Variants in AK9 observed in about 807,000 individuals in gnomAD.
AK9 encodes the protein adenylate kinase domain containing 1.
In AK9, 191 loss-of-function variants were observed where a neutral mutation model predicts 239.6. That is an observed-to-expected ratio of 0.80 (90% CI 0.71 to 0.90). The LOEUF is 0.90. AK9 is among the 40% of genes least tolerant of loss of function. AK9 has a pLI of 0.00. For missense variants in AK9, 1,995 were observed against 2,214.7 expected (o/e 0.90, Z 1.99); for synonymous variants, 689 against 721.0 (o/e 0.96, Z 0.71).
At chr6:109,619,307 T>A (rs535339901) in intron 12 of AK9, 71 bp from the exon 13 acceptor site, 1,028 of 1,360,436 alleles carry the variant, frequency 7.6e-4, no homozygotes, top group Non-Finnish European at 9.5e-4. Context: ...TGTTCATCTA[T>A]CTATGTATAT....
intron 35 of AK9, among the ~76,000 whole-genome samples, chr6:109,504,998 G>A (rs556104089): frequency 1.3e-5 from 2 of 152,330 alleles, no homozygotes; most frequent in South Asian, 2.1e-4. Flanking sequence ...CGCTTTCAAA[G>A]TCTGCTGTGG....
chr6:109,531,375 G>C (rs1379497268), intron 28 of AK9, among the ~76,000 whole-genome samples: 1 of 151,988 alleles, frequency 6.6e-6, no homozygotes, highest in African/African-American at 2.4e-5. Context: ...AGGGGCAAAT[G>C]CCTGGGGTGA....
intron 19 of AK9, among the ~76,000 whole-genome samples, chr6:109,582,267 A>C (rs1788952758): frequency 6.6e-6 from 1 of 152,330 alleles, no homozygotes; most frequent in African/African-American, 2.4e-5. Context: ...AACACATTTC[A>C]TAAGACTACA....
chr6:109,547,527 C>T (rs1466823734), intron 25 of AK9, among the ~76,000 whole-genome samples: 1 of 151,990 alleles, frequency 6.6e-6, no homozygotes, highest in Non-Finnish European at 1.5e-5. Flanking sequence ...CATCTTTCAC[C>T]TATACAGAAA....
At chr6:109,662,063 G>A (rs1345095378) in intron 6 of AK9, among the ~76,000 whole-genome samples, 6 of 152,106 alleles carry the variant, frequency 3.9e-5, no homozygotes, top group African/African-American at 9.7e-5. Context: ...TATGTACCAC[G>A]TAATATACTG....
chr6:109,518,366 A>C (rs1218172445), intron 29 of AK9, among the ~76,000 whole-genome samples: 11 of 151,948 alleles, frequency 7.2e-5, no homozygotes, highest in African/African-American at 2.7e-4. Context: ...CTGATATTTA[A>C]TTTTCTAAGG....
At chr6:109,557,406 A>G (rs1281533980) in intron 24 of AK9, among the ~76,000 whole-genome samples, 3 of 152,102 alleles carry the variant, frequency 2.0e-5, no homozygotes, top group Non-Finnish European at 4.4e-5. Context: ...CACCAACCTG[A>G]TGCCAGTAGG....
At chr6:109,501,263 T>C (rs1777578909) in intron 35 of AK9, among the ~76,000 whole-genome samples, 1 of 152,186 alleles carries the variant, frequency 6.6e-6, no homozygotes, top group Admixed American at 6.5e-5. Context: ...GTCATGTCAC[T>C]TGATTGCCTC....
At position 109,633,207 on chromosome 6, in the gene AK9, T is replaced by C; in HGVS notation, c.1050A>G (p.Ser350=). ...ACCTCACAGAATAATCTGGTAATCC[T>C]GAATAAATGTTACCATCTTTTAAAT... The part of the protein sequence containing the change: ...PVNLKDGNIY[S]GLPDYSVSFL... The change falls in exon 11 of 41, where the codon TCA becomes TCG. Residue 350 remains serine, a synonymous_variant. Transcript: ENST00000424296. The C allele has an allele frequency of 6.3e-7, 1 of 1,598,944 alleles. No homozygotes were observed. The highest frequency in any genetic ancestry group is 1.2e-5 in the South Asian group (1 of 86,662).
intron 1 of AK9, among the ~76,000 whole-genome samples, chr6:109,684,218 C>G (rs975549530): frequency 6.6e-6 from 1 of 152,094 alleles, no homozygotes; most frequent in Non-Finnish European, 1.5e-5. Context: ...AAATTGGACC[C>G]CTTCCTTATA....
intron 20 of AK9, among the ~76,000 whole-genome samples, chr6:109,577,198 AG>A (rs1473272751): frequency 6.6e-6 from 1 of 152,110 alleles, no homozygotes; most frequent in Non-Finnish European, 1.5e-5. Context: ...TTAATCATAA[AG>A]GGGTGCTGGA....
Position 109,535,684 on chromosome 6 carries a change from C to T in AK9, c.3351-2214G>A, listed in dbSNP as rs1410738073. ...TTTAGACATGAAGTCCTTGCCCATGCCTGTGTCCTGAATGGTATTGCCTAG... is the reference window on the plus strand; with the variant it reads ...TTTAGACATGAAGTCCTTGCCCATGTCTGTGTCCTGAATGGTATTGCCTAG... On this transcript the variant is annotated intron_variant, in intron 27 of 40. Transcript: ENST00000424296. Among the ~76,000 whole-genome samples, 7 of 152,272 alleles carry T rather than the reference C, an allele frequency of 4.6e-5. No homozygotes were observed. The East Asian group carries it at 9.6e-4, about 21-fold the overall frequency.
chr6:109,519,711 C>A (rs1390988240), intron 29 of AK9, among the ~76,000 whole-genome samples: 2 of 151,788 alleles, frequency 1.3e-5, no homozygotes, highest in Non-Finnish European at 2.9e-5. Context: ...AGGAGGACTG[C>A]TTGAGCCCTG....
intron 20 of AK9, among the ~76,000 whole-genome samples, chr6:109,577,904 C>CTG (rs1554260369): frequency 1.5e-5 from 2 of 137,166 alleles, no homozygotes; most frequent in Non-Finnish European, 3.0e-5. Context: ...CTCTCTTTCT[C>CTG]TCTTTCTTTC....
chr6:109,525,025 C>T lies in AK9; in HGVS notation c.3633+3986G>A, dbSNP rs191187117. 2.6e-5 allele frequency among the ~76,000 whole-genome samples: 4 copies of T among 152,236 alleles called. No individual in the cohort carries two copies. In the East Asian group the frequency reaches 7.7e-4, roughly 29 times the overall value. On this transcript the variant is annotated intron_variant, in intron 29 of 40. Transcript: ENST00000424296. ...CAGGTCTTACATTTAAATCTTTAATCCATTTTGATTTTTGTATATGGTAAA... is the reference window on the plus strand; with the variant it reads ...CAGGTCTTACATTTAAATCTTTAATTCATTTTGATTTTTGTATATGGTAAA...
chr6:109,684,612 C>T (rs1420097732), intron 1 of AK9, among the ~76,000 whole-genome samples: 3 of 151,698 alleles, frequency 2.0e-5, no homozygotes, highest in African/African-American at 4.8e-5. Context: ...CGGTGGCTCA[C>T]GCCTGTAATC....
At chr6:109,636,750 TCACACACACACACACA>T (rs57475668) in intron 10 of AK9, among the ~76,000 whole-genome samples, 1 of 135,472 alleles carries the variant, frequency 7.4e-6, no homozygotes, top group East Asian at 2.3e-4. Flanking sequence ...TAATATTCCA[TCACACACACACACACA>T]CACACACACA....
intron 8 of AK9, among the ~76,000 whole-genome samples, chr6:109,650,121 C>A (rs570952144): frequency 1.3e-5 from 2 of 152,142 alleles, no homozygotes; most frequent in Non-Finnish European, 2.9e-5. Flanking sequence ...AGACCTAAAA[C>A]CATAAAAAAC....
intron 12 of AK9, among the ~76,000 whole-genome samples, chr6:109,630,616 A>G (rs1583328420): frequency 6.6e-6 from 1 of 152,138 alleles, no homozygotes; most frequent in South Asian, 2.1e-4. Flanking sequence ...CTGAGGCAGG[A>G]GGATCATTTG....
Sources: gnomAD v4.1 joint callset for allele counts (sites outside exome capture counted in the v4.1 genomes callset) on GRCh38, gnomAD v4.1.1 for gene constraint, MANE v1.5 for transcripts, NCBI Gene and HGNC (gene_info 2026-07-23, HGNC 2026-07-21) for gene names.